Variants in IL1RAPL2 observed in about 807,000 individuals in gnomAD.
The protein encoded by IL1RAPL2 is interleukin 1 receptor accessory protein like 2.
IL1RAPL2 carries 3 observed loss-of-function variants against 44.1 expected under a neutral mutation model. That is an observed-to-expected ratio of 0.07 (90% CI 0.03 to 0.18). The LOEUF (loss-of-function observed/expected upper bound fraction) is 0.18, where lower values mean the gene tolerates loss of function less well. IL1RAPL2 is among the 10% of genes least tolerant of loss of function. The pLI is 1.00. For synonymous variants in IL1RAPL2, 181 were observed against 178.8 expected (o/e 1.01, Z -0.10); for missense variants, 391 against 496.4 (o/e 0.79, Z 2.02).
intron 2 of IL1RAPL2, among the ~76,000 whole-genome samples, chrX:104,696,599 TG>T (rs975910392): frequency 8.9e-6 from 1 of 112,183 alleles, no homozygotes; most frequent in African/African-American, 3.2e-5. Flanking sequence ...AGGGAAAGTA[TG>T]AAATTTGGCA....
At chrX:105,110,892 G>A (rs949359933) in intron 2 of IL1RAPL2, among the ~76,000 whole-genome samples, 2 of 111,501 alleles carry the variant, frequency 1.8e-5, no homozygotes, top group Non-Finnish European at 3.8e-5. Context: ...AGCCAAGATT[G>A]TGCCACTGCA....
intron 6 of IL1RAPL2, among the ~76,000 whole-genome samples, chrX:105,700,300 C>T (rs1299484965): frequency 8.9e-6 from 1 of 111,810 alleles, no homozygotes; most frequent in Non-Finnish European, 1.9e-5. Context: ...CAAAAGAGGT[C>T]TATTTTAAGC....
At chrX:104,670,212 G>A in intron 2 of IL1RAPL2, among the ~76,000 whole-genome samples, 1 of 111,381 alleles carries the variant, frequency 9.0e-6, no homozygotes, top group Non-Finnish European at 1.9e-5. Flanking sequence ...CCTTCAGTCT[G>A]TGGCTGAAGG....
intron 2 of IL1RAPL2, among the ~76,000 whole-genome samples, chrX:104,966,519 A>C (rs952160048): frequency 8.9e-6 from 1 of 112,136 alleles, no homozygotes; most frequent in African/African-American, 3.2e-5. Context: ...ATAATGACTG[A>C]GAATTCAATT....
At chrX:105,544,285 T>C (rs2036770227) in intron 6 of IL1RAPL2, among the ~76,000 whole-genome samples, 1 of 111,893 alleles carries the variant, frequency 8.9e-6, no homozygotes, top group Non-Finnish European at 1.9e-5. Flanking sequence ...ATGTATTTAT[T>C]AGTTATAGAT....
chrX:104,688,777 T>C (rs1485334499), intron 2 of IL1RAPL2, among the ~76,000 whole-genome samples: 5 of 112,412 alleles, frequency 4.4e-5, no homozygotes, highest in Admixed American at 2.8e-4. Context: ...CTTATATTTT[T>C]AAATATTAAT....
chrX:105,363,330 T>C (rs2035268282), intron 5 of IL1RAPL2, among the ~76,000 whole-genome samples: 1 of 90,914 alleles, frequency 1.1e-5, no homozygotes, highest in South Asian at 4.8e-4. Flanking sequence ...TATATATATA[T>C]TCTTCATTCA....
intron 2 of IL1RAPL2, among the ~76,000 whole-genome samples, chrX:104,904,635 T>A (rs1218563837): frequency 1.8e-5 from 2 of 110,178 alleles, no homozygotes; most frequent in Non-Finnish European, 3.8e-5. Context: ...CATGAACTCA[T>A]CCTTTTTTAT....
chrX:105,760,794 A>G (rs1472219384), intron 10 of IL1RAPL2, among the ~76,000 whole-genome samples: 2 of 112,335 alleles, frequency 1.8e-5, no homozygotes, highest in African/African-American at 6.5e-5. Context: ...TAAGAAATTT[A>G]GCTCAGCTAA....
chrX:105,474,814 T>G (rs1377466545), intron 5 of IL1RAPL2, among the ~76,000 whole-genome samples: 1 of 110,723 alleles, frequency 9.0e-6, no homozygotes, highest in Non-Finnish European at 1.9e-5. Context: ...ATTTATTTAT[T>G]TTTTTTGGTG....
rs781859780 is a variant in IL1RAPL2, at chrX:105,231,476, T to C, written c.357-2342T>C. ...TCTGAAGAAAGGGGGATATATACCA[T>C]ATGGGACTGATACAAAAATGGAAAA... On this transcript the variant is annotated intron_variant, in intron 3 of 10. Coordinates refer to ENST00000372582, the MANE Select transcript of IL1RAPL2 (RefSeq NM_017416.2). Among the ~76,000 whole-genome samples, 195 of 111,455 alleles carry C rather than the reference T, an allele frequency of 1.7e-3. 3 individuals are homozygous for C. The highest frequency in any genetic ancestry group is 6.1e-3 in the African/African-American group (189 of 30,751).
At chrX:105,417,910 C>T (rs2035745910) in intron 5 of IL1RAPL2, among the ~76,000 whole-genome samples, 1 of 111,676 alleles carries the variant, frequency 9.0e-6, no homozygotes. Flanking sequence ...GCTGAGAATA[C>T]CCTTTCCTCT....
intron 2 of IL1RAPL2, among the ~76,000 whole-genome samples, chrX:105,074,120 C>T (rs1250201766): frequency 1.5e-4 from 17 of 111,394 alleles, no homozygotes; most frequent in Admixed American, 5.7e-4. Context: ...CTTGCCCATG[C>T]CTATGTCCTG....
rs1828595400 is a variant in IL1RAPL2 at position 105,493,594 on chromosome X, TA to T, written c.772+9210del. Among the ~76,000 whole-genome samples, 3 of 111,612 alleles carry T rather than the reference TA, an allele frequency of 2.7e-5. No individual in the cohort carries two copies. The South Asian group carries it at 1.1e-3, about 42-fold the overall frequency. ...GGAAAAATGTCTATGGCCCCTTTTTTAAATGAGGAAAATGGGCTCGGAGAAT... is the reference window on the plus strand; with the variant it reads ...GGAAAAATGTCTATGGCCCCTTTTTTAATGAGGAAAATGGGCTCGGAGAAT... On this transcript the variant is annotated intron_variant, in intron 6 of 10. Transcript: ENST00000372582.
intron 6 of IL1RAPL2, among the ~76,000 whole-genome samples, chrX:105,603,015 G>A (rs1275538661): frequency 9.1e-6 from 1 of 109,951 alleles, no homozygotes; most frequent in East Asian, 2.8e-4. Flanking sequence ...CTCACTGATA[G>A]AGCAGATACA....
intron 2 of IL1RAPL2, among the ~76,000 whole-genome samples, chrX:104,802,553 C>T (rs780051749): frequency 1.5e-4 from 16 of 110,295 alleles, no homozygotes; most frequent in Non-Finnish European, 2.1e-4. Context: ...TGTGACGGCC[C>T]GCACAATTTT....
chrX:104,894,485 T>C (rs1431596601), intron 2 of IL1RAPL2, among the ~76,000 whole-genome samples: 1 of 111,895 alleles, frequency 8.9e-6, no homozygotes, highest in Non-Finnish European at 1.9e-5. Context: ...ATTTTGTTTC[T>C]TTTTACTCTT....
chrX:105,414,222 G>A (rs13440860), intron 5 of IL1RAPL2, among the ~76,000 whole-genome samples: 2,777 of 110,707 alleles, frequency 0.025, 89 homozygotes, highest in African/African-American at 0.086. Flanking sequence ...CCACCTCCCG[G>A]ATTGAAGCGA....
At chrX:105,506,527 C>T (rs1445556351) in intron 6 of IL1RAPL2, among the ~76,000 whole-genome samples, 2 of 111,422 alleles carry the variant, frequency 1.8e-5, no homozygotes, top group African/African-American at 6.5e-5. Context: ...TGAGAAGATT[C>T]CAGGCCTCTT....
Sources: allele counts gnomAD v4.1 joint callset (sites outside exome capture counted in the v4.1 genomes callset), GRCh38; gene constraint gnomAD v4.1.1; transcripts MANE v1.5; gene names NCBI Gene and HGNC (gene_info 2026-07-23, HGNC 2026-07-21).